CMIP: variants seen among roughly 807,000 people sequenced by gnomAD.
CMIP encodes the protein C-Maf-inducing protein.
CMIP carries 13 observed loss-of-function variants against 97.3 expected under a neutral mutation model. The observed-to-expected ratio is 0.13, with a 90% confidence interval of 0.09 to 0.21. The LOEUF (loss-of-function observed/expected upper bound fraction) is 0.21. Ranked by LOEUF, CMIP falls within the 10% of genes least tolerant of loss-of-function variation. The pLI is 1.00. For synonymous variants in CMIP, 538 were observed against 436.3 expected (o/e 1.23, Z -2.91); for missense variants, 847 against 1,024.9 (o/e 0.83, Z 2.37).
At chr16:81,656,309 T>G (rs750543947) in intron 4 of CMIP, among the ~76,000 whole-genome samples, 1 of 152,250 alleles carries the variant, frequency 6.6e-6, no homozygotes, top group African/African-American at 2.4e-5. Context: ...TACCCCCATA[T>G]GCCTTAAGCC....
chr16:81,463,561 G>A (rs1402996023), intron 1 of CMIP, among the ~76,000 whole-genome samples: 1 of 152,184 alleles, frequency 6.6e-6, no homozygotes, highest in Non-Finnish European at 1.5e-5. Context: ...GATTTTGTAG[G>A]ACGATTCAAG....
chr16:81,594,637 G>A (rs1388987481), intron 1 of CMIP, among the ~76,000 whole-genome samples: 3 of 151,790 alleles, frequency 2.0e-5, no homozygotes, highest in African/African-American at 4.8e-5. Context: ...TTTTTGAGAC[G>A]GAGTCTCGCT....
At chr16:81,664,233 T>C in intron 6 of CMIP, 36 bp from the exon 7 acceptor site, 1 of 1,558,738 alleles carries the variant, frequency 6.4e-7, no homozygotes, top group African/African-American at 1.4e-5. Context: ...AGAACATTCT[T>C]AGGGCCGCAG....
chr16:81,692,006 C>T (rs995758286), intron 11 of CMIP, among the ~76,000 whole-genome samples, 166 bp downstream of exon 11: 7 of 152,104 alleles, frequency 4.6e-5, no homozygotes, highest in Admixed American at 3.3e-4. Flanking sequence ...CTGTGGGACC[C>T]CTGGGGAGGC....
At position 81,657,854 on chromosome 16, in the gene CMIP, C is replaced by T. The variant is rs756519509; in HGVS notation, c.681+38C>T. 14 of 1,554,122 alleles carry T rather than the reference C, an allele frequency of 9.0e-6. No homozygotes were observed. In the African/African-American group the frequency reaches 1.5e-4, roughly 17 times the overall value. On this transcript the variant is annotated intron_variant, in intron 5 of 20. Coordinates refer to ENST00000537098, the MANE Select transcript of CMIP (RefSeq NM_198390.3). ...CGAACACGCTCCCTCCACCCACCTC[C>T]GCCTCCTGGAGCCTACAACCCTTTT... is the stretch of plus-strand genomic sequence containing the variant.
At chr16:81,601,335 G>A (rs1374520336) in intron 1 of CMIP, among the ~76,000 whole-genome samples, 1 of 152,176 alleles carries the variant, frequency 6.6e-6, no homozygotes, top group Admixed American at 6.5e-5. Flanking sequence ...TGGGCAGGAG[G>A]GAGCTGGCTC....
chr16:81,561,938 C>T (rs2090891481), intron 1 of CMIP, among the ~76,000 whole-genome samples: 1 of 152,096 alleles, frequency 6.6e-6, no homozygotes. Flanking sequence ...AGTTGGGATA[C>T]CTGCTGGGGG....
intron 7 of CMIP, among the ~76,000 whole-genome samples, chr16:81,669,749 C>T (rs1007801030): frequency 6.7e-6 from 1 of 149,664 alleles, no homozygotes; most frequent in South Asian, 2.2e-4. Flanking sequence ...ACACCCACCT[C>T]TCTTCTCCTT....
At chr16:81,515,627 G>A (rs771047089) in intron 1 of CMIP, among the ~76,000 whole-genome samples, 2 of 152,166 alleles carry the variant, frequency 1.3e-5, no homozygotes, top group Non-Finnish European at 2.9e-5. Context: ...AAGCATCACC[G>A]GCTTTATTCT....
chr16:81,629,134 T>TA (rs10533097), intron 3 of CMIP, among the ~76,000 whole-genome samples: 1,425 of 45,678 alleles, frequency 0.031, 46 homozygotes, highest in Middle Eastern at 0.05. Flanking sequence ...AAACTGTGCT[T>TA]AAAAAAAAAA....
intron 1 of CMIP, among the ~76,000 whole-genome samples, chr16:81,561,278 T>G (rs1597563236): frequency 6.6e-6 from 1 of 152,104 alleles, no homozygotes; most frequent in African/African-American, 2.4e-5. Flanking sequence ...ACCTAATATT[T>G]TAGGTGATCA....
intron 1 of CMIP, among the ~76,000 whole-genome samples, chr16:81,538,577 C>T: frequency 6.6e-6 from 1 of 152,232 alleles, no homozygotes; most frequent in East Asian, 1.9e-4. Context: ...GATTTGATTA[C>T]CATTTTATAA....
At chr16:81,522,311 G>A (rs1172312050) in intron 1 of CMIP, among the ~76,000 whole-genome samples, 1 of 152,216 alleles carries the variant, frequency 6.6e-6, no homozygotes, top group East Asian at 1.9e-4. Context: ...GACACAGGAG[G>A]GACACAGCTT....
intron 1 of CMIP, among the ~76,000 whole-genome samples, chr16:81,488,114 T>G (rs371999609): frequency 2.7e-4 from 3 of 11,290 alleles, no homozygotes; most frequent in African/African-American, 5.2e-4. Flanking sequence ...TGCATGACTT[T>G]TATTTTATTG....
rs1450499476 is a variant in CMIP, at chr16:81,642,491, AC to A, written c.478-9709del. On this transcript the variant is annotated intron_variant, in intron 3 of 20. Coordinates refer to ENST00000537098, the MANE Select transcript of CMIP (RefSeq NM_198390.3). Reference sequence around the variant, plus strand: ...TGGGGTCCCCTAAAAGACCCCTTACACCCTGTGCTGTCCTGTGGCAAAATTT... The same window carrying A: ...TGGGGTCCCCTAAAAGACCCCTTACACCTGTGCTGTCCTGTGGCAAAATTT... Among the ~76,000 whole-genome samples the A allele has an allele frequency of 2.6e-5, 4 of 152,308 alleles. 1 individual carries two copies. Among genetic ancestry groups the A allele is most frequent in the East Asian group, 3.9e-4 (2 of 5,184 alleles).
chr16:81,635,972 G>C (rs1315678230), intron 3 of CMIP, among the ~76,000 whole-genome samples: 1 of 152,130 alleles, frequency 6.6e-6, no homozygotes, highest in Non-Finnish European at 1.5e-5. Context: ...CATGGATTCA[G>C]GGGGTGGCGG....
intron 1 of CMIP, among the ~76,000 whole-genome samples, chr16:81,560,937 T>C (rs1369909337): frequency 6.6e-6 from 1 of 152,224 alleles, no homozygotes; most frequent in Non-Finnish European, 1.5e-5. Context: ...TCTCAGAACC[T>C]ATCCCCATTG....
intron 1 of CMIP, chr16:81,495,244 T>C: frequency 7.8e-7 from 1 of 1,278,336 alleles, no homozygotes; most frequent in Non-Finnish European, 1.0e-6. Context: ...CAGACACTGA[T>C]GGTCAGAGTG....
At chr16:81,568,035 G>GTA in intron 1 of CMIP, among the ~76,000 whole-genome samples, 1 of 85,842 alleles carries the variant, frequency 1.2e-5, no homozygotes, top group Non-Finnish European at 2.6e-5. Flanking sequence ...GTGTGTGTGT[G>GTA]TGTGTTTTTT....
Sources: gnomAD v4.1 joint callset for allele counts (sites outside exome capture counted in the v4.1 genomes callset) on GRCh38, gnomAD v4.1.1 for gene constraint, MANE v1.5 for transcripts, NCBI Gene and HGNC (gene_info 2026-07-23, HGNC 2026-07-21) for gene names.